CR2: variants seen among roughly 807,000 people sequenced by gnomAD.
CR2 encodes complement C3d receptor 2.
Under a neutral mutation model 123.0 loss-of-function variants are expected in CR2, and 96 were observed. That is an observed-to-expected ratio of 0.78 (90% confidence interval 0.66 to 0.93). The LOEUF (loss-of-function observed/expected upper bound fraction) is 0.93, where lower values mean the gene tolerates loss of function less well. Ranked by LOEUF, CR2 falls within the 40% of genes least tolerant of loss-of-function variation. The probability of loss-of-function intolerance (pLI) is 0.00; values close to 1 mark genes in which losing one functional copy is unlikely to be tolerated. For synonymous variants in CR2, 484 were observed against 469.5 expected (o/e 1.03, Z -0.40); for missense variants, 1,258 against 1,361.0 (o/e 0.92, Z 1.19).
chr1:207,464,622 G>A (rs1658047369), intron 1 of CR2, among the ~76,000 whole-genome samples: 1 of 152,210 alleles, frequency 6.6e-6, no homozygotes, highest in African/African-American at 2.4e-5. Context: ...AATTATAGAA[G>A]TTGAAAATGG....
At chr1:207,455,750 C>T (rs911804122) in intron 1 of CR2, among the ~76,000 whole-genome samples, 2 of 152,198 alleles carry the variant, frequency 1.3e-5, no homozygotes, top group African/African-American at 4.8e-5. Context: ...TCACCTATTT[C>T]TAAATTTCAA....
chr1:207,458,682 G>A (rs1378514525), intron 1 of CR2, among the ~76,000 whole-genome samples: 1 of 152,096 alleles, frequency 6.6e-6, no homozygotes, highest in Non-Finnish European at 1.5e-5. Context: ...CTTTTCACAG[G>A]CCTTCCTTAA....
At chr1:207,483,915 A>G (rs1658675990) in intron 18 of CR2, among the ~76,000 whole-genome samples, 3 of 152,206 alleles carry the variant, frequency 2.0e-5, no homozygotes, top group African/African-American at 7.2e-5. Flanking sequence ...AGCCCTCAGA[A>G]GAACAGTAAT....
chr1:207,469,494 T>C (rs930012980), intron 5 of CR2, among the ~76,000 whole-genome samples: 2 of 152,102 alleles, frequency 1.3e-5, no homozygotes, highest in Non-Finnish European at 2.9e-5. Context: ...GTAAAAGAAA[T>C]CAAAGGATCA....
intron 1 of CR2, among the ~76,000 whole-genome samples, chr1:207,458,422 A>G (rs918083750): frequency 2.6e-5 from 4 of 152,078 alleles, no homozygotes; most frequent in African/African-American, 9.7e-5. Context: ...AATGACTTCT[A>G]TTCAGGATAA....
At chr1:207,481,843 T>C (rs1365824802) in intron 18 of CR2, among the ~76,000 whole-genome samples, 1 of 152,168 alleles carries the variant, frequency 6.6e-6, no homozygotes, top group East Asian at 1.9e-4. Flanking sequence ...AAGTCTATCT[T>C]TATACAGTCA....
In CR2 at chr1:207,455,800, C is replaced by T. The variant is rs866990082; in HGVS notation, c.58+1324C>T. On this transcript the variant is annotated intron_variant, in intron 1 of 19. Coordinates refer to ENST00000367057, the MANE Select transcript of CR2 (RefSeq NM_001006658.3). Reference sequence around the variant, plus strand: ...ACTGAAAATCAAATTCTTCACCAGTCCTGCCAATTCAGGGCCACAGCAGCA... The same window carrying T: ...ACTGAAAATCAAATTCTTCACCAGTTCTGCCAATTCAGGGCCACAGCAGCA... 2.0e-5 allele frequency among the ~76,000 whole-genome samples: 3 copies of T among 152,204 alleles called. No homozygotes were observed. The East Asian group carries it at 5.8e-4, about 29-fold the overall frequency.
chr1:207,489,053 G>C (rs1396319958), intron 19 of CR2, 89 bp from the exon 20 acceptor site: 1 of 152,258 alleles, frequency 6.6e-6, no homozygotes, highest in Non-Finnish European at 1.5e-5. Context: ...GCTGTAACTG[G>C]TATGTAAAGA....
intron 19 of CR2, among the ~76,000 whole-genome samples, chr1:207,487,313 G>A (rs762480454): frequency 4.3e-4 from 65 of 152,252 alleles, no homozygotes; most frequent in Non-Finnish European, 4.0e-4. Context: ...TTGAGACAGG[G>A]TCTCACTCTG....
At chr1:207,463,094 A>T (rs866681241) in intron 1 of CR2, among the ~76,000 whole-genome samples, 11 of 152,334 alleles carry the variant, frequency 7.2e-5, no homozygotes, top group Non-Finnish European at 1.0e-4. Flanking sequence ...CCTGAATCCC[A>T]GCCTCAAATT....
chr1:207,465,338 G>T (rs1284878465), intron 1 of CR2, among the ~76,000 whole-genome samples: 1 of 152,078 alleles, frequency 6.6e-6, no homozygotes, highest in East Asian at 1.9e-4. Flanking sequence ...TGTTATTGTA[G>T]GGGAAATTAA....
chr1:207,481,415 T>G (rs934656408), intron 18 of CR2, among the ~76,000 whole-genome samples: 1 of 152,106 alleles, frequency 6.6e-6, no homozygotes, highest in African/African-American at 2.4e-5. Flanking sequence ...TCGGCCTGTC[T>G]CTATGAGCCA....
In CR2 at chr1:207,477,935, G is replaced by T; in HGVS notation, c.2953G>T (p.Glu985Ter). Reference protein sequence around the residue: ...ADMDGIQKGLEPRKMYQYGAV... With the variant: ...ADMDGIQKGL The stretch of plus-strand genomic sequence containing the variant: ...TATGGATGGAATCCAGAAAGGGCTG[G>T]AACCAAGGAAAATGTATCAGTATGG... The change falls in exon 16 of 20, where the codon GAA (glutamate) becomes TAA (stop). Residue 985 changes from glutamate (E) to a stop codon, truncating the protein, a stop_gained. Coordinates refer to ENST00000367057, the MANE Select transcript of CR2 (RefSeq NM_001006658.3). LOFTEE classifies it high-confidence loss of function. 2 of 1,614,058 alleles carry T rather than the reference G, an allele frequency of 1.2e-6. No individual in the cohort carries two copies. Among genetic ancestry groups the T allele is most frequent in the Non-Finnish European group, 1.7e-6 (2 of 1,179,974 alleles).
intron 19 of CR2, among the ~76,000 whole-genome samples, chr1:207,487,717 A>G (rs559764947): frequency 6.6e-6 from 1 of 152,348 alleles, no homozygotes; most frequent in Non-Finnish European, 1.5e-5. Context: ...AAAGGGAAAG[A>G]GTGATGGCAG....
At chr1:207,456,100 T>C (rs1478156404) in intron 1 of CR2, among the ~76,000 whole-genome samples, 1 of 152,228 alleles carries the variant, frequency 6.6e-6, no homozygotes, top group Non-Finnish European at 1.5e-5. Context: ...ACTCCATTGT[T>C]CAAAAATCTA....
At position 207,476,439 on chromosome 1, in the gene CR2, T is replaced by C. The variant is rs1240258073; in HGVS notation, c.2902+20T>C. 8.1e-6 allele frequency: 13 copies of C among 1,604,720 alleles called. No homozygotes were observed. The highest frequency in any genetic ancestry group is 1.1e-5 in the Non-Finnish European group (13 of 1,175,582). On this transcript the variant is annotated intron_variant, in intron 15 of 19. Coordinates refer to ENST00000367057, the MANE Select transcript of CR2 (RefSeq NM_001006658.3). ...GTAAAGGTGCTTTGTCTATTTTTTATTCTTATTTTTATATCAAATTTGTGC... is the reference window on the plus strand; with the variant it reads ...GTAAAGGTGCTTTGTCTATTTTTTACTCTTATTTTTATATCAAATTTGTGC...
intron 5 of CR2, 60 bp from the exon 6 acceptor site, chr1:207,469,635 G>C (rs1030784008): frequency 4.1e-6 from 6 of 1,472,126 alleles, no homozygotes; most frequent in East Asian, 2.3e-5. Flanking sequence ...GCAGCATCTG[G>C]GGCATTCTTT....
chr1:207,464,212 A>G (rs1056855616), intron 1 of CR2, among the ~76,000 whole-genome samples: 1 of 152,212 alleles, frequency 6.6e-6, no homozygotes, highest in Non-Finnish European at 1.5e-5. Context: ...AGCCAGTTCC[A>G]TATATCTTTT....
Position 207,477,904 on chromosome 1 carries a change from A to G in CR2, c.2922A>G (p.Pro974=). The change falls in exon 16 of 20, where the codon CCA becomes CCG. Residue 974 remains proline, a synonymous_variant. Coordinates refer to ENST00000367057, the MANE Select transcript of CR2 (RefSeq NM_001006658.3). ...TTTCAGAGGTAAACTGTAGCTCACC[A>G]GCAGATATGGATGGAATCCAGAAAG... The part of the protein sequence containing the change: ...PHCKEVNCSS[P]ADMDGIQKGL... 2 of 1,614,080 alleles carry G rather than the reference A, an allele frequency of 1.2e-6. No individual in the cohort carries two copies. The highest frequency in any genetic ancestry group is 1.7e-6 in the Non-Finnish European group (2 of 1,179,962).
Sources: allele counts gnomAD v4.1 joint callset (sites outside exome capture counted in the v4.1 genomes callset), GRCh38; gene constraint gnomAD v4.1.1; transcripts MANE v1.5; gene names NCBI Gene and HGNC (gene_info 2026-07-23, HGNC 2026-07-21).